PLAG1: variants seen among roughly 807,000 people sequenced by gnomAD.
The protein encoded by PLAG1 is zinc finger protein PLAG1.
Under a neutral mutation model 35.5 loss-of-function variants are expected in PLAG1, and 7 were observed. The ratio of observed to expected loss-of-function variants is 0.20; its 90% confidence interval spans 0.11 to 0.37. The LOEUF (loss-of-function observed/expected upper bound fraction) is 0.37. PLAG1 is among the 10% of genes least tolerant of loss of function. The probability of loss-of-function intolerance (pLI) is 1.00; values close to 1 mark genes in which losing one functional copy is unlikely to be tolerated. For synonymous variants in PLAG1, 229 were observed against 225.4 expected, an observed-to-expected ratio of 1.02 and a Z score of -0.14; for missense variants, 454 against 602.8, an observed-to-expected ratio of 0.75 and a Z score of 2.58.
At chr8:56,178,483 T>C (rs1013789150) in intron 2 of PLAG1, among the ~76,000 whole-genome samples, 1 of 152,232 alleles carries the variant, frequency 6.6e-6, no homozygotes, top group Admixed American at 6.5e-5. Flanking sequence ...AGTATACTGA[T>C]AGCTAAAATT....
intron 2 of PLAG1, among the ~76,000 whole-genome samples, chr8:56,173,783 A>G (rs922286158): frequency 2.0e-5 from 3 of 152,102 alleles, no homozygotes; most frequent in Non-Finnish European, 4.4e-5. Flanking sequence ...TTTCCAGGGC[A>G]ACTTTGCATA....
rs929990115 is a variant in PLAG1, at chr8:56,162,024, A to G, written c.*4219T>C. The G allele has an allele frequency of 3.1e-5, 7 of 226,428 alleles. No individual in the cohort carries two copies. The highest frequency in any genetic ancestry group is 1.3e-4 in the African/African-American group (6 of 44,990). 14.0% of individuals were successfully genotyped at this position (226,428 alleles called of 1,614,324 possible). On this transcript the variant is annotated 3_prime_UTR_variant, in exon 5 of 5. Transcript: ENST00000316981. The stretch of plus-strand genomic sequence containing the variant: ...GTGCAATCTGAGTGTGCCTTCACCA[A>G]TGCTGGTTGCATGATCTTCTTTTCT...
Position 56,165,474 on chromosome 8 carries a change from A to G in PLAG1, c.*769T>C, listed in dbSNP as rs1198556627. 4.7e-6 allele frequency: 1 copy of G among 213,424 alleles called. No homozygotes were observed. Among genetic ancestry groups the G allele is most frequent in the African/African-American group, 2.3e-5 (1 of 44,224 alleles). The allele number at this position is 213,424 out of a possible 1,614,324, so 13.2% of individuals were successfully genotyped here. On this transcript the variant is annotated 3_prime_UTR_variant, in exon 5 of 5. Coordinates refer to ENST00000316981, the MANE Select transcript of PLAG1 (RefSeq NM_002655.3). ...CCCAATGCCATACACTATTACTATT[A>G]TTAAATGAAAAGATAGCATGTTAAG...
At position 56,164,846 on chromosome 8, in the gene PLAG1, C is replaced by G. The variant is rs1213771324; in HGVS notation, c.*1397G>C. The G allele has an allele frequency of 4.7e-6, 1 of 211,462 alleles. No individual in the cohort carries two copies. The highest frequency in any genetic ancestry group is 2.3e-5 in the African/African-American group (1 of 44,124). 13.1% of individuals were successfully genotyped at this position (211,462 alleles called of 1,614,324 possible). On this transcript the variant is annotated 3_prime_UTR_variant, in exon 5 of 5. Coordinates refer to ENST00000316981, the MANE Select transcript of PLAG1 (RefSeq NM_002655.3). ...AGGTTTGTTTTACTTTACTTTGTTACCCTCTACAAACTCAACTTATTTGCA... is the reference window on the plus strand; with the variant it reads ...AGGTTTGTTTTACTTTACTTTGTTAGCCTCTACAAACTCAACTTATTTGCA...
At chr8:56,175,536 C>G (rs935439442) in intron 2 of PLAG1, among the ~76,000 whole-genome samples, 1 of 152,170 alleles carries the variant, frequency 6.6e-6, no homozygotes, top group Non-Finnish European at 1.5e-5. Context: ...AATTAGATGT[C>G]ATAGTTAACT....
chr8:56,194,316 C>CA (rs544697171), intron 1 of PLAG1, among the ~76,000 whole-genome samples: 2,713 of 54,742 alleles, frequency 0.05, 65 homozygotes, highest in African/African-American at 0.091. Context: ...AACTCTGTCT[C>CA]AAAAAAAAAA....
At chr8:56,190,516 C>T (rs1305509356) in intron 1 of PLAG1, among the ~76,000 whole-genome samples, 1 of 152,082 alleles carries the variant, frequency 6.6e-6, no homozygotes, top group Non-Finnish European at 1.5e-5. Flanking sequence ...CTTTGGGGAA[C>T]CAGAATGGAG....
At chr8:56,190,982 C>T (rs949435386) in intron 1 of PLAG1, among the ~76,000 whole-genome samples, 3 of 152,102 alleles carry the variant, frequency 2.0e-5, no homozygotes, top group Admixed American at 1.3e-4. Flanking sequence ...TGTGGCTTGA[C>T]GTGCTGGAGG....
chr8:56,168,659 G>A (rs1412238408), intron 3 of PLAG1, among the ~76,000 whole-genome samples: 1 of 152,042 alleles, frequency 6.6e-6, no homozygotes, highest in Admixed American at 6.6e-5. Context: ...GTGATTTCAG[G>A]AACTCTCATG....
At chr8:56,207,217 C>T (rs1225275188) in intron 1 of PLAG1, among the ~76,000 whole-genome samples, 2 of 151,860 alleles carry the variant, frequency 1.3e-5, no homozygotes, top group Non-Finnish European at 2.9e-5. Flanking sequence ...TGAAACAAAA[C>T]TTCAAAGATA....
Position 56,168,328 on chromosome 8 carries a change from G to T in PLAG1, c.-59C>A. 1.3e-6 allele frequency: 2 copies of T among 1,501,100 alleles called. No individual in the cohort carries two copies. The highest frequency in any genetic ancestry group is 1.8e-6 in the Non-Finnish European group (2 of 1,121,732). 93.0% of individuals were successfully genotyped at this position (1,501,100 alleles called of 1,614,324 possible). ...TGGGAACTGCCCAACTCCACTAAAT[G>T]ATATAGCTTTAGGTGGCTTCTCAAG... On this transcript the variant is annotated 5_prime_UTR_variant, in exon 4 of 5. An upstream open reading frame in the 5' UTR gains an earlier in-frame stop. Coordinates refer to ENST00000316981, the MANE Select transcript of PLAG1 (RefSeq NM_002655.3).
rs536656055 is a variant in PLAG1, at chr8:56,186,633, A to C, written c.-321-7120T>G. On this transcript the variant is annotated intron_variant, in intron 1 of 4. Transcript: ENST00000316981. ...ACTGATCTGCCAGCCTTGGCCTCTT[A>C]AAGTGTTGGGATTATAGGCGTGAGC... Among the ~76,000 whole-genome samples, 9 of 151,674 alleles carry C rather than the reference A, an allele frequency of 5.9e-5. No homozygotes were observed. The East Asian group carries it at 1.7e-3, about 29-fold the overall frequency.
At chr8:56,177,534 C>T (rs185917038) in intron 2 of PLAG1, among the ~76,000 whole-genome samples, 19 of 152,278 alleles carry the variant, frequency 1.2e-4, no homozygotes, top group Non-Finnish European at 2.2e-4. Context: ...GAACCTTTCA[C>T]CCTTAATATG....
chr8:56,192,389 C>G (rs1003221035), intron 1 of PLAG1, among the ~76,000 whole-genome samples: 3 of 152,180 alleles, frequency 2.0e-5, no homozygotes, highest in East Asian at 3.9e-4. Context: ...TCGCCAACAA[C>G]TAGGGAAGGC....
At chr8:56,174,409 T>C (rs570947328) in intron 2 of PLAG1, among the ~76,000 whole-genome samples, 37 of 152,330 alleles carry the variant, frequency 2.4e-4, no homozygotes, top group African/African-American at 8.9e-4. Flanking sequence ...TTCTGCATAA[T>C]TTGTAAATTT....
intron 1 of PLAG1, among the ~76,000 whole-genome samples, chr8:56,201,527 T>C (rs1445831241): frequency 6.6e-6 from 1 of 152,210 alleles, no homozygotes; most frequent in Non-Finnish European, 1.5e-5. Context: ...CGAATTACTC[T>C]GTCAACTCTA....
intron 1 of PLAG1, among the ~76,000 whole-genome samples, chr8:56,193,705 T>G (rs1812258804): frequency 6.6e-6 from 1 of 150,632 alleles, no homozygotes. Flanking sequence ...CTTTTTTTTT[T>G]TTTTTTTTTT....
chr8:56,177,136 G>C (rs1048192482), intron 2 of PLAG1, among the ~76,000 whole-genome samples: 1 of 152,202 alleles, frequency 6.6e-6, no homozygotes, highest in Admixed American at 6.5e-5. Context: ...TCAAAGTAAA[G>C]TGTACTTTAA....
intron 2 of PLAG1, among the ~76,000 whole-genome samples, chr8:56,176,097 T>G (rs1318804501): frequency 1.3e-5 from 2 of 149,872 alleles, no homozygotes; most frequent in Admixed American, 1.3e-4. Context: ...CTAGGCTGGA[T>G]GGAGTACAGT....
Sources: allele counts gnomAD v4.1 joint callset (sites outside exome capture counted in the v4.1 genomes callset), GRCh38; gene constraint gnomAD v4.1.1; transcripts MANE v1.5; gene names NCBI Gene and HGNC (gene_info 2026-07-23, HGNC 2026-07-21).